STYK1: variants seen among roughly 807,000 people sequenced by gnomAD.
STYK1 encodes the protein tyrosine-protein kinase STYK1.
STYK1 carries 46 observed loss-of-function variants against 48.1 expected under a neutral mutation model. The observed-to-expected ratio is 0.96, with a 90% CI of 0.75 to 1.22. STYK1 has a LOEUF of 1.22. Among genes scored for constraint, STYK1 ranks in the 50% most tolerant of loss-of-function variants. STYK1 has a pLI of 0.00. For missense variants in STYK1, 527 were observed against 521.1 expected (o/e 1.01, Z -0.11); for synonymous variants, 188 against 189.0 (o/e 0.99, Z 0.04).
chr12:10,640,432 G>A (rs1367177628), intron 1 of STYK1, among the ~76,000 whole-genome samples: 1 of 152,166 alleles, frequency 6.6e-6, no homozygotes, highest in African/African-American at 2.4e-5. Context: ...CCTAGTGTGG[G>A]TGAGGCAGGG....
At chr12:10,653,359 C>T (rs200855210) in intron 1 of STYK1, among the ~76,000 whole-genome samples, 1 of 152,038 alleles carries the variant, frequency 6.6e-6, no homozygotes, top group East Asian at 1.9e-4. Context: ...GCCCAATTAA[C>T]ATACCTTTTC....
At chr12:10,634,977 C>T (rs932080293) in intron 2 of STYK1, among the ~76,000 whole-genome samples, 5 of 152,132 alleles carry the variant, frequency 3.3e-5, no homozygotes, top group Admixed American at 6.5e-5. Flanking sequence ...CCCTCCCACC[C>T]GAGACTTCTG....
intron 1 of STYK1, among the ~76,000 whole-genome samples, chr12:10,639,137 C>CAAAAACA (rs1340324061): frequency 6.6e-6 from 1 of 151,730 alleles, no homozygotes; most frequent in Non-Finnish European, 1.5e-5. Flanking sequence ...GGAAAAAAAA[C>CAAAAACA]AAAAACAAAA....
chr12:10,634,458 G>A (rs1020884428), intron 3 of STYK1, 109 bp downstream of exon 3: 1 of 1,246,654 alleles, frequency 8.0e-7, no homozygotes, highest in Admixed American at 1.8e-5. Context: ...TATCACCACT[G>A]TCTTCATTTC....
rs77903392 is a variant in STYK1, at chr12:10,642,970, C to T, written c.-194-5774G>A. ...TCCGCTGATATCACTTATATGCTGG[C>T]TAATTTCCACCCAGATCCTGAACCA... On this transcript the variant is annotated intron_variant, in intron 1 of 10. Coordinates refer to ENST00000075503, the MANE Select transcript of STYK1 (RefSeq NM_018423.3). Among the ~76,000 whole-genome samples the T allele has an allele frequency of 8.7e-3, 1,317 of 152,248 alleles. 16 individuals carry two copies. The highest frequency in any genetic ancestry group is 0.03 in the African/African-American group (1,246 of 41,528).
chr12:10,660,043 C>T (rs1273961643), intron 1 of STYK1, among the ~76,000 whole-genome samples: 1 of 152,180 alleles, frequency 6.6e-6, no homozygotes, highest in African/African-American at 2.4e-5. Context: ...GATCAGTATT[C>T]TAATTCTGGG....
chr12:10,624,560 G>T (rs756121846), intron 8 of STYK1, 91 bp downstream of exon 8: 3 of 1,108,400 alleles, frequency 2.7e-6, no homozygotes, highest in Non-Finnish European at 4.1e-6. Flanking sequence ...GATTATATTC[G>T]TATACAGAAT....
chr12:10,628,722 G>A (rs2120626284), intron 6 of STYK1, among the ~76,000 whole-genome samples: 1 of 152,228 alleles, frequency 6.6e-6, no homozygotes, highest in Non-Finnish European at 1.5e-5. Flanking sequence ...AAATTTTAAG[G>A]AAAAGGACAT....
chr12:10,632,267 A>G (rs574632684), intron 4 of STYK1, among the ~76,000 whole-genome samples: 1 of 152,234 alleles, frequency 6.6e-6, no homozygotes, highest in East Asian at 1.9e-4. Flanking sequence ...TGTGTTATAT[A>G]TGAAGGTCAA....
chr12:10,672,116 A>G lies in STYK1; in HGVS notation c.-195+1850T>C, dbSNP rs1351414461. On this transcript the variant is annotated intron_variant, in intron 1 of 10. Coordinates refer to ENST00000075503, the MANE Select transcript of STYK1 (RefSeq NM_018423.3). This position sits in a 1 kb window ranked among gnomAD's most constrained non-coding sequence, Gnocchi z 4.0. ...GAGAACACCATATAAACATCAAGAC[A>G]GCCATCTACAAGCCAAAGAAAGAGG... 1.3e-5 allele frequency among the ~76,000 whole-genome samples: 2 copies of G among 152,228 alleles called. No homozygotes were observed. Among genetic ancestry groups the G allele is most frequent in the Non-Finnish European group, 2.9e-5 (2 of 68,048 alleles).
intron 4 of STYK1, among the ~76,000 whole-genome samples, chr12:10,632,483 A>G (rs1434305538): frequency 6.6e-6 from 1 of 152,186 alleles, no homozygotes; most frequent in Non-Finnish European, 1.5e-5. Flanking sequence ...GTAGTAGGAG[A>G]CAAGGCCAGG....
intron 4 of STYK1, among the ~76,000 whole-genome samples, chr12:10,631,596 G>T (rs950492223): frequency 2.0e-5 from 3 of 152,200 alleles, no homozygotes; most frequent in Admixed American, 2.0e-4. Flanking sequence ...CTTCCCATGA[G>T]TGTGGTATGG....
chr12:10,621,978 A>G lies in STYK1; in HGVS notation c.968-6T>C. The G allele has an allele frequency of 6.2e-7, 1 of 1,612,144 alleles. No individual in the cohort carries two copies. Among genetic ancestry groups the G allele is most frequent in the African/African-American group, 1.3e-5 (1 of 74,982 alleles). ...TTCAGGATACGGTGGTGCTCCTGTC[A>G]TTACGAAAATAATGAGAACTTTAAG... On this transcript the variant is annotated splice_polypyrimidine_tract_variant and splice_region_variant and intron_variant, in intron 9 of 10. Coordinates refer to ENST00000075503, the MANE Select transcript of STYK1 (RefSeq NM_018423.3).
intron 6 of STYK1, 51 bp from the exon 7 acceptor site, chr12:10,627,775 T>A: frequency 6.7e-7 from 1 of 1,498,160 alleles, no homozygotes; most frequent in South Asian, 1.2e-5. Flanking sequence ...ACTCACAGAT[T>A]TGGAAAAGAA....
intron 1 of STYK1, among the ~76,000 whole-genome samples, chr12:10,639,952 T>C (rs2120687127): frequency 6.6e-6 from 1 of 152,340 alleles, no homozygotes; most frequent in Admixed American, 6.5e-5. Context: ...ATGAATTGAA[T>C]CTGCCTGTAA....
intron 10 of STYK1, among the ~76,000 whole-genome samples, 188 bp from the exon 11 acceptor site, chr12:10,620,536 G>A (rs886956088): frequency 6.6e-6 from 1 of 152,060 alleles, no homozygotes; most frequent in African/African-American, 2.4e-5. Context: ...TCTCTTAATA[G>A]CACTTTCTCA....
chr12:10,653,239 A>ATT (rs33946697), intron 1 of STYK1, among the ~76,000 whole-genome samples: 51,850 of 150,480 alleles, frequency 0.34, 9,515 homozygotes, highest in East Asian at 0.7. Context: ...TGCCCAGCTA[A>ATT]TTTTTTTTTG....
intron 7 of STYK1, among the ~76,000 whole-genome samples, chr12:10,626,982 G>A (rs763784105): frequency 1.3e-4 from 20 of 152,118 alleles, no homozygotes; most frequent in African/African-American, 2.2e-4. Flanking sequence ...ACTCCAGCCT[G>A]GGCAACTGAG....
At chr12:10,649,437 A>G (rs1947635854) in intron 1 of STYK1, among the ~76,000 whole-genome samples, 1 of 152,210 alleles carries the variant, frequency 6.6e-6, no homozygotes, top group African/African-American at 2.4e-5. Context: ...ATAAACAGCA[A>G]TTTGTAATGT....
Sources: allele counts gnomAD v4.1 joint callset (sites outside exome capture counted in the v4.1 genomes callset), GRCh38; gene constraint gnomAD v4.1.1; non-coding constraint Gnocchi (gnomAD v3.1); transcripts MANE v1.5; gene names NCBI Gene and HGNC (gene_info 2026-07-23, HGNC 2026-07-21).